DHDDS: variants seen among roughly 807,000 people sequenced by gnomAD.
DHDDS encodes dehydrodolichyl diphosphate synthase complex subunit DHDDS.
A neutral mutation model predicts 46.2 loss-of-function variants in DHDDS; 16 were observed. The observed-to-expected ratio is 0.35, with a 90% CI of 0.23 to 0.53. The LOEUF (loss-of-function observed/expected upper bound fraction) is 0.53. Ranked by LOEUF, DHDDS falls within the 20% of genes least tolerant of loss-of-function variation. DHDDS has a pLI of 0.94. For synonymous variants in DHDDS, 151 were observed against 163.1 expected, an observed-to-expected ratio of 0.93 and a Z score of 0.56; for missense variants, 340 against 423.7, an observed-to-expected ratio of 0.80 and a Z score of 1.73.
chr1:26,444,831 A>G (rs534588629), intron 4 of DHDDS, among the ~76,000 whole-genome samples: 17 of 152,356 alleles, frequency 1.1e-4, no homozygotes, highest in African/African-American at 4.1e-4. Flanking sequence ...ACATCAAACT[A>G]GTGGCAGAAC....
chr1:26,452,667 A>T (rs2075332511), intron 6 of DHDDS, among the ~76,000 whole-genome samples: 1 of 152,230 alleles, frequency 6.6e-6, no homozygotes, highest in Admixed American at 6.5e-5. Flanking sequence ...TGGAGAGGAA[A>T]AGTAACTTGT....
chr1:26,451,467 T>A (rs2124455413), intron 6 of DHDDS, among the ~76,000 whole-genome samples: 1 of 151,128 alleles, frequency 6.6e-6, no homozygotes, highest in African/African-American at 2.4e-5. Context: ...TGTTTTTTTG[T>A]TTTTCTGAGA....
At chr1:26,441,711 A>C (rs951133784) in intron 3 of DHDDS, among the ~76,000 whole-genome samples, 2 of 151,974 alleles carry the variant, frequency 1.3e-5, no homozygotes, top group African/African-American at 4.8e-5. Flanking sequence ...CCTGGTCAGC[A>C]TGGCGAAACC....
rs1457128697 is a variant in DHDDS at position 26,470,889 on chromosome 1, C to T, written c.*1758C>T. 1 of 152,758 alleles carries T rather than the reference C, an allele frequency of 6.5e-6. No individual in the cohort carries two copies. Among genetic ancestry groups the T allele is most frequent in the African/African-American group, 2.4e-5 (1 of 41,430 alleles). 9.5% of individuals were successfully genotyped at this position (152,758 alleles called of 1,614,324 possible). A position where few individuals can be genotyped will look rare whatever the true frequency, so the allele number is the denominator to read the frequency against. ...CTGGAGGCAGCAAACGGAATCTGCC[C>T]TATGAGCGTGGCTGTTGAGTCCTGT... On this transcript the variant is annotated 3_prime_UTR_variant, in exon 9 of 9. Transcript: ENST00000236342.
Position 26,469,226 on chromosome 1 carries a change from A to G in DHDDS, c.*95A>G, listed in dbSNP as rs2075527611. 6.3e-7 allele frequency: 1 copy of G among 1,598,738 alleles called. No homozygotes were observed. The highest frequency in any genetic ancestry group is 1.3e-5 in the African/African-American group (1 of 74,900). On this transcript the variant is annotated 3_prime_UTR_variant, in exon 9 of 9. Transcript: ENST00000236342. ...GTGAAAGGCACCTCCTTTCCTGATA[A>G]TGAATGGTGTTCCCTTTGCTTGGCT... is the stretch of plus-strand genomic sequence containing the variant.
chr1:26,452,029 G>A (rs182518367), intron 6 of DHDDS, among the ~76,000 whole-genome samples: 16 of 152,158 alleles, frequency 1.1e-4, no homozygotes, highest in Admixed American at 2.0e-4. Context: ...TTATAGGTGT[G>A]AGCCATAGCA....
intron 2 of DHDDS, 139 bp downstream of exon 2, chr1:26,433,147 G>A: frequency 5.6e-6 from 5 of 894,066 alleles, no homozygotes; most frequent in Non-Finnish European, 9.1e-6. Flanking sequence ...AAGAGTCTTA[G>A]AATGGTAACT....
At chr1:26,461,022 C>T (rs1367820482) in intron 8 of DHDDS, among the ~76,000 whole-genome samples, 1 of 152,134 alleles carries the variant, frequency 6.6e-6, no homozygotes, top group Non-Finnish European at 1.5e-5. Context: ...TACAGGCACA[C>T]GCCACCATGC....
Position 26,455,286 on chromosome 1 carries a change from A to T in DHDDS, c.543-2505A>T, listed in dbSNP as rs543818197. ...ATATGGATTGTACAGAGTCTCACATAACTTGGAGAATTAAGACCATGCTGC... is the reference window on the plus strand; with the variant it reads ...ATATGGATTGTACAGAGTCTCACATTACTTGGAGAATTAAGACCATGCTGC... On this transcript the variant is annotated intron_variant, in intron 6 of 8. Transcript: ENST00000236342. 7.2e-6 allele frequency: 4 copies of T among 555,050 alleles called. No individual in the cohort carries two copies. In the South Asian group the frequency reaches 8.3e-5, roughly 12 times the overall value. 34.4% of individuals were successfully genotyped at this position (555,050 alleles called of 1,614,324 possible).
chr1:26,454,586 C>T, intron 6 of DHDDS: 1 of 794,238 alleles, frequency 1.3e-6, no homozygotes, highest in Admixed American at 2.2e-5. Context: ...GACAAATGGG[C>T]CCTGTTTTTT....
rs1427295345 is a variant in DHDDS at position 26,457,834 on chromosome 1, C to T, written c.586C>T (p.Arg196Cys). The T allele has an allele frequency of 6.8e-6, 11 of 1,613,852 alleles. No homozygotes were observed. Among genetic ancestry groups the T allele is most frequent in the East Asian group, 4.5e-5 (2 of 44,882 alleles). Residue 196 changes from arginine (R) to cysteine (C), a missense_variant, in exon 7 of 9, where the codon CGC becomes TGC. Transcript: ENST00000236342. ...SLLDKCLYTN[R>C]SPHPDILIRT... is the part of the protein sequence containing the mutation. Reference sequence around the variant, plus strand: ...GCTTGATAAGTGCCTCTATACCAACCGCTCTCCTCATCCTGACATCTTGAT... The same window carrying T: ...GCTTGATAAGTGCCTCTATACCAACTGCTCTCCTCATCCTGACATCTTGAT...
chr1:26,444,381 G>C (rs1481499308), intron 4 of DHDDS, among the ~76,000 whole-genome samples: 1 of 152,104 alleles, frequency 6.6e-6, no homozygotes, highest in Non-Finnish European at 1.5e-5. Flanking sequence ...GGGTTCTTTG[G>C]CTAAAAGAAG....
intron 8 of DHDDS, 84 bp from the exon 9 acceptor site, chr1:26,468,811 G>GGCCCCCCCCCCACC: frequency 1.6e-6 from 1 of 637,982 alleles, no homozygotes; most frequent in Non-Finnish European, 2.6e-6. Context: ...CCCACCCTGT[G>GGCCCCCCCCCCACC]CCCCACCCCC....
In DHDDS at chr1:26,469,765, G is replaced by C. The variant is rs911133080; in HGVS notation, c.*634G>C. ...CCCCAATGGTGCGCGGAAGCCAGGC[G>C]GGCGATTACAATCCAATTACCTATT... On this transcript the variant is annotated 3_prime_UTR_variant, in exon 9 of 9. Transcript: ENST00000236342. 6.3e-6 allele frequency: 1 copy of C among 158,448 alleles called. No individual in the cohort carries two copies. Among genetic ancestry groups the C allele is most frequent in the Non-Finnish European group, 1.4e-5 (1 of 71,224 alleles). 9.8% of individuals were successfully genotyped at this position (158,448 alleles called of 1,614,324 possible).
chr1:26,434,752 A>C (rs1054947915), intron 2 of DHDDS, among the ~76,000 whole-genome samples: 1 of 151,822 alleles, frequency 6.6e-6, no homozygotes, highest in Non-Finnish European at 1.5e-5. Context: ...TCCTGGGTTC[A>C]AGCGATTCTC....
intron 6 of DHDDS, among the ~76,000 whole-genome samples, chr1:26,452,119 C>T (rs531103520): frequency 6.6e-6 from 1 of 152,186 alleles, no homozygotes; most frequent in Non-Finnish European, 1.5e-5. Context: ...GAACATGGCT[C>T]ACTGCAGCCT....
chr1:26,465,733 C>A (rs1411825071), intron 8 of DHDDS, among the ~76,000 whole-genome samples: 2 of 152,198 alleles, frequency 1.3e-5, no homozygotes, highest in Non-Finnish European at 2.9e-5. Context: ...TCTCCTCAGA[C>A]TCCTCTCTGG....
At chr1:26,459,434 T>G (rs2075401617) in intron 7 of DHDDS, among the ~76,000 whole-genome samples, 2 of 152,242 alleles carry the variant, frequency 1.3e-5, no homozygotes, top group African/African-American at 4.8e-5. Context: ...CTCTTTGCTA[T>G]GCATATGTTA....
chr1:26,451,812 G>A lies in DHDDS; in HGVS notation c.542+4152G>A, dbSNP rs535425653. Among the ~76,000 whole-genome samples, 28 of 151,964 alleles carry A rather than the reference G, an allele frequency of 1.8e-4. 1 individual carries two copies. In the South Asian group the frequency reaches 5.4e-3, roughly 29 times the overall value. Reference sequence around the variant, plus strand: ...CCTGGCTAATTTTTTTATATTTTTAGTAGAGACGGGTTTCACCATGTTAGC... The same window carrying A: ...CCTGGCTAATTTTTTTATATTTTTAATAGAGACGGGTTTCACCATGTTAGC... On this transcript the variant is annotated intron_variant, in intron 6 of 8. Transcript: ENST00000236342.
Sources: gnomAD v4.1 joint callset for allele counts (sites outside exome capture counted in the v4.1 genomes callset) on GRCh38, gnomAD v4.1.1 for gene constraint, MANE v1.5 for transcripts, NCBI Gene and HGNC (gene_info 2026-07-23, HGNC 2026-07-21) for gene names.